NVL: variants seen among roughly 807,000 people sequenced by gnomAD.
NVL encodes nuclear VCP like.
In NVL, 84 loss-of-function variants were observed where a neutral mutation model predicts 110.2. The ratio of observed to expected loss-of-function variants is 0.76; its 90% CI spans 0.64 to 0.91. NVL has a LOEUF of 0.91. NVL is among the 40% of genes least tolerant of loss of function. The probability of loss-of-function intolerance (pLI) is 0.00; values close to 1 mark genes in which losing one functional copy is unlikely to be tolerated. For missense variants in NVL, 882 were observed against 1,035.9 expected, an observed-to-expected ratio of 0.85 and a Z score of 2.04; for synonymous variants, 354 against 361.1, an observed-to-expected ratio of 0.98 and a Z score of 0.22.
chr1:224,281,319 T>TAG, intron 15 of NVL, 134 bp from the exon 16 acceptor site: 2 of 627,938 alleles, frequency 3.2e-6, no homozygotes, highest in Non-Finnish European at 5.6e-6. Flanking sequence ...GTGTGAGATT[T>TAG]AGATGGAGTC....
chr1:224,248,564 C>A (rs1264589275), intron 19 of NVL, among the ~76,000 whole-genome samples: 2 of 152,132 alleles, frequency 1.3e-5, no homozygotes, highest in African/African-American at 4.8e-5. Flanking sequence ...ACAGAATCTT[C>A]CTTTGTCAGC....
intron 4 of NVL, among the ~76,000 whole-genome samples, chr1:224,317,053 C>T (rs1453162685): frequency 6.6e-6 from 1 of 150,648 alleles, no homozygotes; most frequent in Non-Finnish European, 1.5e-5. Context: ...GCAAGAGAAT[C>T]GCTTGAACCC....
chr1:224,254,572 G>GTTTTTTTTTTTTTTGT (rs1662947487), intron 18 of NVL, among the ~76,000 whole-genome samples: 1 of 134,242 alleles, frequency 7.4e-6, no homozygotes, highest in Admixed American at 7.8e-5. Flanking sequence ...TGTTTTTTTT[G>GTTTTTTTTTTTTTTGT]TTTTTTTTTT....
intron 19 of NVL, among the ~76,000 whole-genome samples, chr1:224,246,087 T>G (rs931864598): frequency 6.6e-6 from 1 of 151,898 alleles, no homozygotes; most frequent in African/African-American, 2.4e-5. Flanking sequence ...TGGAGTGCAA[T>G]AGCACGATCT....
In NVL at chr1:224,317,756, A is replaced by T; in HGVS notation, c.222T>A (p.Asn74Lys). Reference protein sequence around the residue: ...SIISSEKELKNLTELEDEHLA... With the variant: ...SIISSEKELKKLTELEDEHLA... ...AATGTTCATCTTCTAATTCTGTTAAATTCTTAAGTTCCTTCTCACTACTAA... is the reference window on the plus strand; with the variant it reads ...AATGTTCATCTTCTAATTCTGTTAATTTCTTAAGTTCCTTCTCACTACTAA... Residue 74 changes from asparagine (N) to lysine (K), a missense_variant, in exon 4 of 23, where the codon AAT becomes AAA. Transcript: ENST00000281701. 1.2e-6 allele frequency: 2 copies of T among 1,610,006 alleles called. No individual in the cohort carries two copies. The highest frequency in any genetic ancestry group is 1.7e-6 in the Non-Finnish European group (2 of 1,176,592).
rs117263237 is a variant in NVL at position 224,327,150 on chromosome 1, T to C, written c.58-686A>G. ...AACGAGACCTTATCTCAAAAATAAA[T>C]ACATAAATAAGCCCGGGCGTGGTGG... On this transcript the variant is annotated intron_variant, in intron 1 of 22. Coordinates refer to ENST00000281701, the MANE Select transcript of NVL (RefSeq NM_002533.4). Among the ~76,000 whole-genome samples the C allele has an allele frequency of 3.4e-5, 5 of 147,820 alleles. No individual in the cohort carries two copies. The East Asian group carries it at 8.1e-4, about 24-fold the overall frequency.
At chr1:224,234,931 C>G (rs946494335) in intron 20 of NVL, among the ~76,000 whole-genome samples, 6 of 152,062 alleles carry the variant, frequency 3.9e-5, no homozygotes, top group Non-Finnish European at 7.4e-5. Context: ...TGTTACTCAC[C>G]GAAAATCTTT....
chr1:224,314,722 G>A (rs919075390), intron 4 of NVL, among the ~76,000 whole-genome samples: 7 of 151,952 alleles, frequency 4.6e-5, no homozygotes, highest in East Asian at 1.9e-4. Flanking sequence ...TCATGAGGCC[G>A]GTGTAACCCT....
intron 22 of NVL, among the ~76,000 whole-genome samples, chr1:224,230,938 C>G (rs936960824): frequency 2.0e-5 from 3 of 151,954 alleles, no homozygotes; most frequent in African/African-American, 4.8e-5. Flanking sequence ...TCGAGACCAT[C>G]CTGGCTAACA....
At chr1:224,322,935 C>CAGAGTG (rs1457772674) in intron 2 of NVL, among the ~76,000 whole-genome samples, 1 of 151,340 alleles carries the variant, frequency 6.6e-6, no homozygotes, top group Admixed American at 6.6e-5. Context: ...GCCTGGGTGA[C>CAGAGTG]AGAGTGAGAC....
chr1:224,288,033 C>T (rs1181665848), intron 13 of NVL, 40 bp from the exon 14 acceptor site: 1 of 1,422,178 alleles, frequency 7.0e-7, no homozygotes, highest in South Asian at 1.2e-5. Context: ...TAAAGAAACA[C>T]CACAACAGCT....
intron 9 of NVL, chr1:224,303,003 T>C (rs991665365): frequency 9.0e-6 from 2 of 222,942 alleles, no homozygotes; most frequent in South Asian, 8.1e-5. Context: ...GAGCCATGAT[T>C]GCACCATTGC....
chr1:224,261,800 T>G (rs1664018474), intron 18 of NVL, among the ~76,000 whole-genome samples: 1 of 151,818 alleles, frequency 6.6e-6, no homozygotes, highest in Non-Finnish European at 1.5e-5. Flanking sequence ...AAAAAGTTTT[T>G]TTTTTTTTTA....
chr1:224,258,039 TA>T, intron 18 of NVL, among the ~76,000 whole-genome samples: 1 of 152,238 alleles, frequency 6.6e-6, no homozygotes, highest in South Asian at 2.1e-4. Context: ...TTGCAAGCGG[TA>T]AAAGACAAAC....
intron 19 of NVL, among the ~76,000 whole-genome samples, chr1:224,237,730 C>CTTTTTTTTTTT (rs775411063): frequency 1.5e-5 from 2 of 130,096 alleles, no homozygotes; most frequent in African/African-American, 5.7e-5. Context: ...TGCCTGGCTA[C>CTTTTTTTTTTT]TTTTTTTTTT....
rs1351033365 is a variant in NVL, at chr1:224,317,929, T to C, written c.133A>G (p.Ile45Val). The C allele has an allele frequency of 1.9e-6, 3 of 1,586,206 alleles. No homozygotes were observed. The highest frequency in any genetic ancestry group is 1.4e-5 in the African/African-American group (1 of 73,750). Residue 45 changes from isoleucine (I) to valine (V), a missense_variant and splice_region_variant, in exon 3 of 23, where the codon ATA becomes GTA. Ile to Val is a conservative substitution (Grantham distance 29). Transcript: ENST00000281701. ...LASDLQRVYS[I>V]DYGRRKRNAF... is the part of the protein sequence containing the mutation. ...TTTCTTTTTCTTCGACCATAGTCTA[T>C]ACTGAAAAAAGAAAACAAGAAGTTT... is the stretch of plus-strand genomic sequence containing the variant.
intron 22 of NVL, among the ~76,000 whole-genome samples, chr1:224,228,605 GA>G (rs1659466017): frequency 6.7e-6 from 1 of 150,112 alleles, no homozygotes. Flanking sequence ...GCCAGGCCGG[GA>G]AAGTAGAAGC....
intron 18 of NVL, among the ~76,000 whole-genome samples, chr1:224,252,955 T>C (rs1453772853): frequency 2.0e-5 from 3 of 152,244 alleles, no homozygotes; most frequent in African/African-American, 7.2e-5. Context: ...AATTATACAA[T>C]ATGTACTGTG....
chr1:224,256,654 T>C (rs1307640914), intron 18 of NVL, among the ~76,000 whole-genome samples: 2 of 152,200 alleles, frequency 1.3e-5, no homozygotes, highest in African/African-American at 4.8e-5. Context: ...ACACTTTATA[T>C]AAATTTTAGT....
Sources: allele counts gnomAD v4.1 joint callset (sites outside exome capture counted in the v4.1 genomes callset), GRCh38; gene constraint gnomAD v4.1.1; transcripts MANE v1.5; gene names NCBI Gene and HGNC (gene_info 2026-07-23, HGNC 2026-07-21).